Variants in ARID1B observed in about 807,000 individuals in gnomAD.
ARID1B encodes AT-rich interactive domain-containing protein 1B.
In ARID1B, 30 loss-of-function variants were observed where a neutral mutation model predicts 212.3. That is an observed-to-expected ratio of 0.14 (90% CI 0.11 to 0.19). The LOEUF (loss-of-function observed/expected upper bound fraction) is 0.19. ARID1B is among the 10% of genes least tolerant of loss of function. The pLI is 1.00. For synonymous variants in ARID1B, 1,402 were observed against 1,301.7 expected, an observed-to-expected ratio of 1.08 and a Z score of -1.66; for missense variants, 2,891 against 3,204.0, an observed-to-expected ratio of 0.90 and a Z score of 2.36.
chr6:156,923,797 T>C (rs535772906), intron 3 of ARID1B, among the ~76,000 whole-genome samples: 39 of 151,576 alleles, frequency 2.6e-4, no homozygotes, highest in African/African-American at 8.5e-4. Flanking sequence ...CTCTGCCTTC[T>C]CCCAGGTTCA....
In ARID1B at chr6:157,066,815, G is replaced by A. The variant is rs568641817; in HGVS notation, c.2248-17847G>A. ...AAATGATTTTAATTTCAGAAAAACC[G>A]TGAACCTCCTGGAAAACACTGATAG... On this transcript the variant is annotated intron_variant, in intron 4 of 19. Coordinates refer to ENST00000636930, the MANE Select transcript of ARID1B (RefSeq NM_001374828.1). Among the ~76,000 whole-genome samples the A allele has an allele frequency of 1.2e-3, 181 of 152,176 alleles. 3 individuals carry two copies. The South Asian group carries it at 0.036, about 31-fold the overall frequency.
At chr6:157,156,348 TA>T (rs1240350507) in intron 8 of ARID1B, among the ~76,000 whole-genome samples, 2 of 152,244 alleles carry the variant, frequency 1.3e-5, no homozygotes, top group African/African-American at 4.8e-5. Context: ...ATCATCTAAA[TA>T]CTACGCTTTA....
At chr6:156,800,763 C>T (rs974309846) in intron 1 of ARID1B, among the ~76,000 whole-genome samples, 1 of 151,890 alleles carries the variant, frequency 6.6e-6, no homozygotes, top group Non-Finnish European at 1.5e-5. Context: ...AAAAATTAGC[C>T]AGGCATGGTG....
chr6:156,934,845 C>G (rs1372221245), intron 3 of ARID1B, among the ~76,000 whole-genome samples: 1 of 143,158 alleles, frequency 7.0e-6, no homozygotes, highest in Non-Finnish European at 1.5e-5. Context: ...TTTTTATGAA[C>G]TAGTCTTCTT....
intron 5 of ARID1B, among the ~76,000 whole-genome samples, chr6:157,092,599 A>G (rs530280705): frequency 3.9e-5 from 6 of 152,344 alleles, no homozygotes; most frequent in East Asian, 3.9e-4. Flanking sequence ...CATTCCAGCA[A>G]ACTTCAAATT....
intron 4 of ARID1B, among the ~76,000 whole-genome samples, chr6:157,078,694 T>C (rs1232432974): frequency 2.6e-5 from 4 of 152,228 alleles, no homozygotes; most frequent in Non-Finnish European, 5.9e-5. Context: ...AGAACAGCTT[T>C]TATTTTAGAT....
At chr6:157,036,693 C>G in intron 4 of ARID1B, 1 of 378,450 alleles carries the variant, frequency 2.6e-6, no homozygotes, top group South Asian at 2.2e-5. Context: ...TCACAGATCT[C>G]TCTTTCTTGA....
chr6:157,196,242 C>T lies in ARID1B; in HGVS notation c.4309C>T (p.Pro1437Ser), dbSNP rs1437511816. Residue 1437 changes from proline to serine, a missense_variant, in exon 16 of 20, where the codon CCC becomes TCC. By Grantham distance (74) the Pro-to-Ser change is moderately conservative. Around this residue, in one of 7 missense-constraint regions of ARID1B, gnomAD observed 666 missense variants for 873.5 expected, o/e 0.76. Coordinates refer to ENST00000636930, the MANE Select transcript of ARID1B (RefSeq NM_001374828.1). ...SSMQDMYNQS[P>S]SGAMSNLGMG... ...CATGCAGGACATGTACAACCAAAGT[C>T]CCTCCGGAGCAATGTCTAACCTGGG... The T allele has an allele frequency of 9.3e-6, 15 of 1,613,348 alleles. No individual in the cohort carries two copies. The highest frequency in any genetic ancestry group is 2.7e-5 in the African/African-American group (2 of 74,830).
chr6:157,143,727 C>G (rs1013543493), intron 7 of ARID1B, among the ~76,000 whole-genome samples: 1 of 152,156 alleles, frequency 6.6e-6, no homozygotes, highest in African/African-American at 2.4e-5. Flanking sequence ...TCCATTGTTG[C>G]CTTTTAAACC....
chr6:156,902,560 A>G (rs936002156), intron 3 of ARID1B, among the ~76,000 whole-genome samples: 1 of 152,104 alleles, frequency 6.6e-6, no homozygotes, highest in Non-Finnish European at 1.5e-5. Flanking sequence ...AGAATTCTAA[A>G]GAGAGTTTAT....
At chr6:156,819,041 A>T (rs1333689811) in intron 1 of ARID1B, among the ~76,000 whole-genome samples, 1 of 152,202 alleles carries the variant, frequency 6.6e-6, no homozygotes, top group East Asian at 1.9e-4. Flanking sequence ...TTGTGTACAG[A>T]TCCATTAACT....
chr6:156,855,304 G>A (rs902446391), intron 2 of ARID1B, among the ~76,000 whole-genome samples: 2 of 152,128 alleles, frequency 1.3e-5, no homozygotes, highest in African/African-American at 4.8e-5. Flanking sequence ...CGAAAGTTTG[G>A]GAATTAGTCA....
At chr6:157,149,228 G>T in intron 8 of ARID1B, 1 of 427,376 alleles carries the variant, frequency 2.3e-6, no homozygotes, top group Non-Finnish European at 4.3e-6. Context: ...CATTGCAGCA[G>T]CAAACCAGAT....
chr6:157,204,015 A>G lies in ARID1B; in HGVS notation c.5394+19A>G. The G allele has an allele frequency of 6.2e-7, 1 of 1,613,664 alleles. No homozygotes were observed. Among genetic ancestry groups the G allele is most frequent in the Non-Finnish European group, 8.5e-7 (1 of 1,179,670 alleles). On this transcript the variant is annotated intron_variant, in intron 19 of 19. Transcript: ENST00000636930. ...CTCCCAGGTAAGCCAGCATAGTCCA[A>G]CTAACAACCAAATTAGGATAGGAGA...
intron 2 of ARID1B, among the ~76,000 whole-genome samples, chr6:156,899,802 A>G (rs1788776063): frequency 6.6e-6 from 1 of 152,204 alleles, no homozygotes. Context: ...GAAAGTCAAC[A>G]TATTAAAGCG....
At chr6:156,914,920 G>A (rs753997826) in intron 3 of ARID1B, among the ~76,000 whole-genome samples, 36 of 151,692 alleles carry the variant, frequency 2.4e-4, no homozygotes, top group Admixed American at 1.1e-3. Context: ...AATAATGTGT[G>A]TGGTTTCACC....
At chr6:156,872,479 G>A (rs886703330) in intron 2 of ARID1B, among the ~76,000 whole-genome samples, 39 of 151,972 alleles carry the variant, frequency 2.6e-4, no homozygotes, top group African/African-American at 8.0e-4. Flanking sequence ...GCACCACCAC[G>A]CCCAGTTAAT....
At chr6:157,149,442 G>A (rs1219378413) in intron 8 of ARID1B, 1 of 155,716 alleles carries the variant, frequency 6.4e-6, no homozygotes, top group East Asian at 1.9e-4. Context: ...AAATGTATAT[G>A]TGTGAGATTT....
chr6:157,182,521 G>T (rs1381535019), intron 12 of ARID1B, among the ~76,000 whole-genome samples: 1 of 152,170 alleles, frequency 6.6e-6, no homozygotes, highest in Non-Finnish European at 1.5e-5. Flanking sequence ...GCCCCACCAA[G>T]GTGGCGGGGG....
Sources: allele counts gnomAD v4.1 joint callset (sites outside exome capture counted in the v4.1 genomes callset), GRCh38; gene constraint gnomAD v4.1.1; regional missense constraint gnomAD v4.1.1; transcripts MANE v1.5; gene names NCBI Gene and HGNC (gene_info 2026-07-23, HGNC 2026-07-21).